ZRANB3: variants seen among roughly 807,000 people sequenced by gnomAD.
The protein encoded by ZRANB3 is DNA annealing helicase and endonuclease ZRANB3.
A neutral mutation model predicts 133.8 loss-of-function variants in ZRANB3; 125 were observed. The ratio of observed to expected loss-of-function variants is 0.93; its 90% confidence interval spans 0.81 to 1.08. The LOEUF (loss-of-function observed/expected upper bound fraction) is 1.08, where lower values mean the gene tolerates loss of function less well. Ranked by LOEUF, ZRANB3 falls within the 50% of genes least tolerant of loss-of-function variation. ZRANB3 has a pLI of 0.00. For synonymous variants in ZRANB3, 387 were observed against 432.7 expected (o/e 0.89, Z 1.31); for missense variants, 1,229 against 1,275.5 (o/e 0.96, Z 0.56).
chr2:135,345,110 C>T lies in ZRANB3; in HGVS notation c.677+440G>A, dbSNP rs967138588. On this transcript the variant is annotated intron_variant, in intron 6 of 20. Coordinates refer to ENST00000264159, the MANE Select transcript of ZRANB3 (RefSeq NM_032143.4). ...AAAAGTAGAAAGTAAAAAATAAAAA[C>T]AAAGGAAAACTTTGCCATTATCTAT... 16 of 151,994 alleles carry T rather than the reference C, an allele frequency of 1.1e-4. 1 individual carries two copies. The highest frequency in any genetic ancestry group is 3.1e-4 in the African/African-American group (13 of 41,390). 9.4% of individuals were successfully genotyped at this position (151,994 alleles called of 1,614,324 possible). A position where few individuals can be genotyped will look rare whatever the true frequency, so the allele number is the denominator to read the frequency against.
chr2:135,324,057 CTG>C lies in ZRANB3; in HGVS notation c.678-8529_678-8528del, dbSNP rs1442125812. Among the ~76,000 whole-genome samples, 19 of 152,262 alleles carry C rather than the reference CTG, an allele frequency of 1.2e-4. No homozygotes were observed. In the East Asian group the frequency reaches 3.1e-3, roughly 25 times the overall value. ...GTGCTGGGATTATAGGCATGAGCCACTGTGTCTGGCCCTCATCTTGATTTTTT... is the reference window on the plus strand; with the variant it reads ...GTGCTGGGATTATAGGCATGAGCCACTGTCTGGCCCTCATCTTGATTTTTT... On this transcript the variant is annotated intron_variant, in intron 6 of 20. Coordinates refer to ENST00000264159, the MANE Select transcript of ZRANB3 (RefSeq NM_032143.4).
chr2:135,483,707 G>T (rs1231214058), intron 2 of ZRANB3, among the ~76,000 whole-genome samples: 1 of 152,080 alleles, frequency 6.6e-6, no homozygotes, highest in African/African-American at 2.4e-5. Flanking sequence ...TGATGTTAGG[G>T]TGTCAATTTT....
chr2:135,390,720 G>A lies in ZRANB3; in HGVS notation c.180+82C>T, dbSNP rs1263507589. ...ATATACAGACATATAGTCATATGGA[G>A]AAAGAGTACATGGAAAATAGCAGAC... On this transcript the variant is annotated intron_variant, in intron 3 of 20. Coordinates refer to ENST00000264159, the MANE Select transcript of ZRANB3 (RefSeq NM_032143.4). 3.0e-5 allele frequency: 44 copies of A among 1,463,466 alleles called. 1 individual carries two copies. In the South Asian group the frequency reaches 5.2e-4, roughly 17 times the overall value. The allele number at this position is 1,463,466 out of a possible 1,614,324, so 90.7% of individuals were successfully genotyped here. A position where few individuals can be genotyped will look rare whatever the true frequency, so the allele number is the denominator to read the frequency against.
intron 8 of ZRANB3, among the ~76,000 whole-genome samples, chr2:135,282,927 T>C (rs1229657747): frequency 1.3e-5 from 2 of 152,102 alleles, no homozygotes; most frequent in Non-Finnish European, 2.9e-5. Flanking sequence ...GTAAAGCCAA[T>C]AGTATTATGA....
intron 2 of ZRANB3, among the ~76,000 whole-genome samples, chr2:135,420,836 A>G (rs1337144662): frequency 6.6e-6 from 1 of 152,182 alleles, no homozygotes; most frequent in East Asian, 1.9e-4. Flanking sequence ...TAAAGAAATT[A>G]AAGGAAAATT....
At chr2:135,303,081 G>A (rs1415529628) in intron 8 of ZRANB3, among the ~76,000 whole-genome samples, 1 of 152,098 alleles carries the variant, frequency 6.6e-6, no homozygotes, top group Non-Finnish European at 1.5e-5. Context: ...AAAAAATTAT[G>A]ATCAAACTGA....
At chr2:135,297,299 G>A (rs1034703492) in intron 8 of ZRANB3, among the ~76,000 whole-genome samples, 6 of 152,174 alleles carry the variant, frequency 3.9e-5, no homozygotes, top group East Asian at 1.9e-4. Flanking sequence ...CCCCAGCCTC[G>A]CTGCCACCTT....
intron 1 of ZRANB3, chr2:135,530,824 T>C (rs1574276836): frequency 6.6e-6 from 1 of 152,074 alleles, no homozygotes; most frequent in South Asian, 2.1e-4. Context: ...GCGGCATGGG[T>C]ACCTCTCAGG....
chr2:135,520,607 C>T (rs1393064178), intron 1 of ZRANB3, among the ~76,000 whole-genome samples: 17 of 151,458 alleles, frequency 1.1e-4, no homozygotes, highest in Admixed American at 1.1e-3. Context: ...TTTTTTGAGA[C>T]GGAGTCTTGC....
rs1483732022 is a variant in ZRANB3, at chr2:135,197,642, G to C, written c.*2700C>G. 2.0e-5 allele frequency: 3 copies of C among 152,290 alleles called. No individual in the cohort carries two copies. Among genetic ancestry groups the C allele is most frequent in the Non-Finnish European group, 4.4e-5 (3 of 68,072 alleles). 9.4% of individuals were successfully genotyped at this position (152,290 alleles called of 1,614,324 possible). A position where few individuals can be genotyped will look rare whatever the true frequency, so the allele number is the denominator to read the frequency against. Reference sequence around the variant, plus strand: ...ATGTGTCTGGGATCAATGTCACCCAGTGACGGGAACAGGAAGGCAGGCCAG... The same window carrying C: ...ATGTGTCTGGGATCAATGTCACCCACTGACGGGAACAGGAAGGCAGGCCAG... On this transcript the variant is annotated 3_prime_UTR_variant, in exon 21 of 21. Coordinates refer to ENST00000264159, the MANE Select transcript of ZRANB3 (RefSeq NM_032143.4).
intron 1 of ZRANB3, among the ~76,000 whole-genome samples, chr2:135,517,119 C>T (rs996887349): frequency 5.3e-5 from 8 of 151,856 alleles, no homozygotes; most frequent in African/African-American, 1.5e-4. Flanking sequence ...TTTTCAGCTC[C>T]ATCAGGTCAT....
chr2:135,493,495 T>C lies in ZRANB3; in HGVS notation c.161+10834A>G, dbSNP rs566050161. Among the ~76,000 whole-genome samples, 12 of 152,074 alleles carry C rather than the reference T, an allele frequency of 7.9e-5. No individual in the cohort carries two copies. In the East Asian group the frequency reaches 2.3e-3, roughly 29 times the overall value. ...ACAAGGGCAAAACATTTCAGTACTTTACAATGTATCTATTATATGTTGTAT... is the reference window on the plus strand; with the variant it reads ...ACAAGGGCAAAACATTTCAGTACTTCACAATGTATCTATTATATGTTGTAT... On this transcript the variant is annotated intron_variant, in intron 2 of 20. Coordinates refer to ENST00000264159, the MANE Select transcript of ZRANB3 (RefSeq NM_032143.4).
At chr2:135,515,423 T>C (rs564958346) in intron 1 of ZRANB3, among the ~76,000 whole-genome samples, 3 of 152,314 alleles carry the variant, frequency 2.0e-5, no homozygotes, top group African/African-American at 7.2e-5. Context: ...GGGCATTTAG[T>C]GCTACAAATT....
intron 8 of ZRANB3, among the ~76,000 whole-genome samples, chr2:135,284,521 G>C (rs559492895): frequency 1.3e-5 from 2 of 152,238 alleles, no homozygotes; most frequent in Non-Finnish European, 2.9e-5. Context: ...GCCCAGGCTG[G>C]AGTGCAGTGG....
Position 135,347,096 on chromosome 2 carries a change from C to T in ZRANB3, c.592-1461G>A, listed in dbSNP as rs572467684. On this transcript the variant is annotated intron_variant, in intron 5 of 20. Transcript: ENST00000264159. ...CAGCATAGTGCTTTCAAAGTTAATT[C>T]ATGTTGTAACACATATAGTATTTTC... 1.6e-4 allele frequency among the ~76,000 whole-genome samples: 24 copies of T among 152,292 alleles called. No individual in the cohort carries two copies. The South Asian group carries it at 2.5e-3, about 16-fold the overall frequency.
At chr2:135,236,894 T>A (rs1020370270) in intron 12 of ZRANB3, among the ~76,000 whole-genome samples, 1 of 152,112 alleles carries the variant, frequency 6.6e-6, no homozygotes, top group South Asian at 2.1e-4. Context: ...GGACTTCATG[T>A]CTAAAACACC....
intron 1 of ZRANB3, chr2:135,511,942 A>G (rs1475463831): frequency 2.7e-6 from 2 of 752,718 alleles, no homozygotes; most frequent in South Asian, 2.8e-5. Flanking sequence ...CTCCATCACC[A>G]TTGCTTTGGT....
chr2:135,353,399 G>A, intron 4 of ZRANB3, 51 bp downstream of exon 4: 1 of 1,330,370 alleles, frequency 7.5e-7, no homozygotes, highest in Non-Finnish European at 1.0e-6. Flanking sequence ...ATATATACCA[G>A]GTACACACAA....
At chr2:135,348,197 T>C (rs947833253) in intron 5 of ZRANB3, among the ~76,000 whole-genome samples, 1 of 150,650 alleles carries the variant, frequency 6.6e-6, no homozygotes, top group Non-Finnish European at 1.5e-5. Flanking sequence ...AGGTAGAAGT[T>C]GCTGTGAGCC....
Sources: allele counts gnomAD v4.1 joint callset (sites outside exome capture counted in the v4.1 genomes callset), GRCh38; gene constraint gnomAD v4.1.1; transcripts MANE v1.5; gene names NCBI Gene and HGNC (gene_info 2026-07-23, HGNC 2026-07-21).